The following CCDC170 variants were observed in gnomAD, a reference collection of about 807,000 sequenced individuals.
CCDC170 encodes coiled-coil domain-containing protein 170.
CCDC170 carries 69 observed loss-of-function variants against 72.6 expected under a neutral mutation model. That is an observed-to-expected ratio of 0.95 (90% CI 0.78 to 1.16). The LOEUF (loss-of-function observed/expected upper bound fraction) is 1.16, where lower values mean the gene tolerates loss of function less well. Among genes scored for constraint, CCDC170 ranks in the 50% most tolerant of loss-of-function variants. The pLI is 0.00. For missense variants in CCDC170, 852 were observed against 832.5 expected (o/e 1.02, Z -0.29); for synonymous variants, 300 against 303.9 (o/e 0.99, Z 0.13).
At chr6:151,535,979 G>A (rs898146096) in intron 1 of CCDC170, among the ~76,000 whole-genome samples, 2 of 152,080 alleles carry the variant, frequency 1.3e-5, no homozygotes, top group Admixed American at 6.6e-5. Flanking sequence ...AGGCTGGTCT[G>A]GAACTTCTGG....
At chr6:151,584,596 G>A (rs1358018899) in intron 6 of CCDC170, among the ~76,000 whole-genome samples, 1 of 151,846 alleles carries the variant, frequency 6.6e-6, no homozygotes, top group Non-Finnish European at 1.5e-5. Context: ...GGATCACAGG[G>A]GATTGTTTTT....
chr6:151,531,707 G>T (rs1180680015), intron 1 of CCDC170, among the ~76,000 whole-genome samples: 1 of 152,194 alleles, frequency 6.6e-6, no homozygotes, highest in African/African-American at 2.4e-5. Flanking sequence ...AAGGAAAGAG[G>T]TTTATTTGAC....
rs1777011022 is a variant in CCDC170, at chr6:151,618,718, G to C, written c.*571G>C. 6.4e-6 allele frequency: 1 copy of C among 155,294 alleles called. No individual in the cohort carries two copies. Among genetic ancestry groups the C allele is most frequent in the South Asian group, 2.0e-4 (1 of 5,092 alleles). The allele number at this position is 155,294 out of a possible 1,614,324, so 9.6% of individuals were successfully genotyped here. A position where few individuals can be genotyped will look rare whatever the true frequency, so the allele number is the denominator to read the frequency against. The stretch of plus-strand genomic sequence containing the variant: ...AAGGACAATAACCCTGCCATCGTGA[G>C]TTAATGTCCGGGCTGGTCACAGTGG... On this transcript the variant is annotated 3_prime_UTR_variant, in exon 11 of 11. Coordinates refer to ENST00000239374, the MANE Select transcript of CCDC170 (RefSeq NM_025059.4).
At chr6:151,611,062 G>A (rs973781131) in intron 9 of CCDC170, among the ~76,000 whole-genome samples, 18 of 152,156 alleles carry the variant, frequency 1.2e-4, no homozygotes, top group Non-Finnish European at 2.4e-4. Flanking sequence ...CGGATCACAA[G>A]GTGAGAAGAT....
At chr6:151,517,738 G>A (rs1003379563) in intron 1 of CCDC170, among the ~76,000 whole-genome samples, 21 of 152,056 alleles carry the variant, frequency 1.4e-4, no homozygotes, top group Admixed American at 9.2e-4. Flanking sequence ...CACCGTGCCC[G>A]GCCACTAATA....
intron 1 of CCDC170, among the ~76,000 whole-genome samples, chr6:151,510,600 T>C (rs1415053012): frequency 6.6e-6 from 1 of 152,088 alleles, no homozygotes; most frequent in Non-Finnish European, 1.5e-5. Flanking sequence ...CTTTTAAAGA[T>C]AGAATGAGTT....
chr6:151,555,988 G>A (rs1782967902), intron 5 of CCDC170, among the ~76,000 whole-genome samples: 3 of 152,220 alleles, frequency 2.0e-5, no homozygotes, highest in Admixed American at 2.0e-4. Context: ...GCGTATGCCT[G>A]TAATGTCAAC....
At chr6:151,498,233 A>G (rs1249673783) in intron 1 of CCDC170, among the ~76,000 whole-genome samples, 1 of 152,110 alleles carries the variant, frequency 6.6e-6, no homozygotes, top group African/African-American at 2.4e-5. Context: ...AATTAGAATA[A>G]CTATCAACAG....
chr6:151,611,601 G>A (rs950859203), intron 9 of CCDC170, among the ~76,000 whole-genome samples: 12 of 148,796 alleles, frequency 8.1e-5, no homozygotes, highest in Non-Finnish European at 1.7e-4. Flanking sequence ...TCATCATTGT[G>A]GAGGTTAGAA....
At chr6:151,572,649 G>GTTTTTTTTTTTTTTTT (rs1213267537) in intron 5 of CCDC170, among the ~76,000 whole-genome samples, 590 of 37,774 alleles carry the variant, frequency 0.016, 44 homozygotes, top group East Asian at 0.043. Context: ...CCTTCTCTGT[G>GTTTTTTTTTTTTTTTT]TTTTTTTTTT....
chr6:151,591,742 T>G (rs1383274387), intron 7 of CCDC170, among the ~76,000 whole-genome samples: 2 of 151,994 alleles, frequency 1.3e-5, no homozygotes, highest in African/African-American at 2.4e-5. Flanking sequence ...TGATCTGCCC[T>G]CCTCGGCCTC....
intron 1 of CCDC170, 100 bp from the exon 2 acceptor site, chr6:151,536,218 C>A: frequency 2.2e-6 from 3 of 1,371,994 alleles, no homozygotes; most frequent in Non-Finnish European, 2.0e-6. Flanking sequence ...ATTTGGAATA[C>A]AAAGAATGCT....
At chr6:151,501,217 A>G (rs570607105) in intron 1 of CCDC170, among the ~76,000 whole-genome samples, 27 of 152,146 alleles carry the variant, frequency 1.8e-4, no homozygotes, top group Non-Finnish European at 3.2e-4. Context: ...ATATTCTACA[A>G]TATGTTGACC....
At chr6:151,536,193 T>C in intron 1 of CCDC170, 125 bp from the exon 2 acceptor site, 1 of 1,110,334 alleles carries the variant, frequency 9.0e-7, no homozygotes, top group Non-Finnish European at 1.3e-6. Context: ...CTTCTCTGCG[T>C]AGCATGTTTG....
At chr6:151,613,596 GT>G (rs766806643) in intron 9 of CCDC170, among the ~76,000 whole-genome samples, 13 of 152,066 alleles carry the variant, frequency 8.5e-5, no homozygotes, top group African/African-American at 3.1e-4. Context: ...TAGAATATGT[GT>G]TTTTTTGCAA....
At chr6:151,562,006 A>T (rs1210889496) in intron 5 of CCDC170, among the ~76,000 whole-genome samples, 1 of 152,036 alleles carries the variant, frequency 6.6e-6, no homozygotes, top group East Asian at 1.9e-4. Context: ...GCTTAGTGTA[A>T]TCTATTATTA....
chr6:151,612,721 C>T (rs1211624731), intron 9 of CCDC170, among the ~76,000 whole-genome samples: 3 of 152,006 alleles, frequency 2.0e-5, no homozygotes, highest in Admixed American at 2.0e-4. Context: ...AAAATAGATG[C>T]ATCAAGAAAA....
intron 3 of CCDC170, among the ~76,000 whole-genome samples, chr6:151,539,069 C>G (rs890241529): frequency 6.6e-6 from 1 of 152,062 alleles, no homozygotes; most frequent in Admixed American, 6.6e-5. Flanking sequence ...TGAGACCAGC[C>G]TGGCCAACAT....
chr6:151,544,719 G>T lies in CCDC170; in HGVS notation c.588+3G>T. 1 of 1,603,992 alleles carries T rather than the reference G, an allele frequency of 6.2e-7. No individual in the cohort carries two copies. The highest frequency in any genetic ancestry group is 8.5e-7 in the Non-Finnish European group (1 of 1,172,332). ...CAGATGAAGATTTAATTTTAAAGGT[G>T]TCTGTATGCAGATTAAAAAGTCTAT... On this transcript the variant is annotated splice_donor_region_variant and intron_variant, in intron 4 of 10. Transcript: ENST00000239374.
Sources: allele counts gnomAD v4.1 joint callset (sites outside exome capture counted in the v4.1 genomes callset), GRCh38; gene constraint gnomAD v4.1.1; transcripts MANE v1.5; gene names NCBI Gene and HGNC (gene_info 2026-07-23, HGNC 2026-07-21).